The following USP7 variants were observed in gnomAD, a reference collection of about 807,000 sequenced individuals.
USP7 encodes the protein ubiquitin C-terminal hydrolase 7.
A neutral mutation model predicts 162.9 loss-of-function variants in USP7; 9 were observed. That is an observed-to-expected ratio of 0.06 (90% confidence interval 0.03 to 0.10). The LOEUF (loss-of-function observed/expected upper bound fraction) is 0.10. USP7 is among the 10% of genes least tolerant of loss of function. The probability of loss-of-function intolerance (pLI) is 1.00; values close to 1 mark genes in which losing one functional copy is unlikely to be tolerated. For missense variants in USP7, 715 were observed against 1,373.7 expected (o/e 0.52, Z 7.58); for synonymous variants, 562 against 475.9 (o/e 1.18, Z -2.35).
In USP7 at chr16:8,915,475, G is replaced by A. The variant is rs773076602; in HGVS notation, c.957C>T (p.Thr319=). 6.2e-7 allele frequency: 1 copy of A among 1,613,600 alleles called. No individual in the cohort carries two copies. Among genetic ancestry groups the A allele is most frequent in the Non-Finnish European group, 8.5e-7 (1 of 1,179,972 alleles). ...TTTTGCCGCGGAATAATTTGGGTAT[G>A]GTGCCCTCTACACAGGTGCCTTTCA... is the stretch of plus-strand genomic sequence containing the variant. ...NKMKGTCVEG[T]IPKLFRGKMV... The change falls in exon 9 of 31, where the codon ACC becomes ACT. Residue 319 remains threonine, a synonymous_variant. Coordinates refer to ENST00000344836, the MANE Select transcript of USP7 (RefSeq NM_003470.3).
rs1193741830 is a variant in USP7, at chr16:8,915,244, C to G, written c.1078+10G>C. The stretch of plus-strand genomic sequence containing the variant: ...AAAAGATCATGCCATTAGATACACA[C>G]AACACTTACTATTTTTCTTTCCTTT... On this transcript the variant is annotated intron_variant, in intron 10 of 30. Coordinates refer to ENST00000344836, the MANE Select transcript of USP7 (RefSeq NM_003470.3). 2 of 1,591,804 alleles carry G rather than the reference C, an allele frequency of 1.3e-6. No individual in the cohort carries two copies. Among genetic ancestry groups the G allele is most frequent in the South Asian group, 1.1e-5 (1 of 89,082 alleles).
chr16:8,962,432 G>A (rs770947527), intron 1 of USP7: 9 of 437,676 alleles, frequency 2.1e-5, no homozygotes, highest in Non-Finnish European at 3.7e-5. Context: ...TCAAACTACA[G>A]TGCCTTGGAA....
chr16:8,957,811 T>C (rs1232103255), intron 1 of USP7, among the ~76,000 whole-genome samples: 4 of 151,586 alleles, frequency 2.6e-5, no homozygotes, highest in Non-Finnish European at 5.9e-5. Context: ...ATAACAAAAA[T>C]AGACTTTACA....
chr16:8,940,860 C>T (rs1210030283), intron 1 of USP7, among the ~76,000 whole-genome samples: 1 of 152,168 alleles, frequency 6.6e-6, no homozygotes, highest in East Asian at 1.9e-4. Flanking sequence ...AGGAGAATCA[C>T]TTATATACAG....
chr16:8,936,494 A>G, intron 1 of USP7: 1 of 1,360,064 alleles, frequency 7.4e-7, no homozygotes, highest in East Asian at 2.7e-5. Context: ...AGCCCCAAAT[A>G]TACTTCAGAA....
intron 2 of USP7, among the ~76,000 whole-genome samples, 199 bp from the exon 3 acceptor site, chr16:8,923,612 G>A (rs1006965372): frequency 6.6e-6 from 1 of 152,162 alleles, no homozygotes; most frequent in South Asian, 2.1e-4. Flanking sequence ...TCTTCCTTAT[G>A]AAGTCCAAAA....
intron 1 of USP7, among the ~76,000 whole-genome samples, chr16:8,947,699 T>G (rs376004573): frequency 1.3e-5 from 2 of 152,196 alleles, no homozygotes; most frequent in Non-Finnish European, 2.9e-5. Flanking sequence ...ACAGTAGCTA[T>G]AACCCACCCA....
intron 11 of USP7, 113 bp from the exon 12 acceptor site, chr16:8,908,563 A>C (rs888575621): frequency 1.2e-6 from 1 of 856,376 alleles, no homozygotes; most frequent in Admixed American, 2.8e-5. Flanking sequence ...CTGGAGACAA[A>C]GGCAGGGAAG....
At chr16:8,961,631 G>T (rs1025790924) in intron 1 of USP7, among the ~76,000 whole-genome samples, 3 of 151,942 alleles carry the variant, frequency 2.0e-5, no homozygotes, top group Admixed American at 6.6e-5. Flanking sequence ...AAAACACCTG[G>T]AAAGCGGTAG....
chr16:8,938,727 G>A (rs1898892585), intron 1 of USP7, among the ~76,000 whole-genome samples: 1 of 149,670 alleles, frequency 6.7e-6, no homozygotes, highest in African/African-American at 2.5e-5. Flanking sequence ...AAAAAAATTG[G>A]GGGGACGGGG....
intron 1 of USP7, among the ~76,000 whole-genome samples, chr16:8,947,127 A>G (rs976964042): frequency 6.6e-6 from 1 of 152,178 alleles, no homozygotes; most frequent in Non-Finnish European, 1.5e-5. Flanking sequence ...TGGTTTTTTC[A>G]TATTTTAATT....
At chr16:8,896,476 C>T (rs1055231337) in intron 26 of USP7, among the ~76,000 whole-genome samples, 2 of 152,138 alleles carry the variant, frequency 1.3e-5, no homozygotes, top group Non-Finnish European at 2.9e-5. Context: ...CTCCAAGCGA[C>T]TACAGGGCAA....
chr16:8,900,793 G>C lies in USP7; in HGVS notation c.2209-163C>G. The C allele has an allele frequency of 2.1e-5, 15 of 707,470 alleles. No homozygotes were observed. The South Asian group carries it at 3.1e-4, about 14-fold the overall frequency. The allele number at this position is 707,470 out of a possible 1,614,324, so 43.8% of individuals were successfully genotyped here. A position where few individuals can be genotyped will look rare whatever the true frequency, so the allele number is the denominator to read the frequency against. On this transcript the variant is annotated intron_variant, in intron 20 of 30. Coordinates refer to ENST00000344836, the MANE Select transcript of USP7 (RefSeq NM_003470.3). ...GCTAAATGAATAAATCCACAAATAT[G>C]TAACAATCAGATTTGATTCTACAAC...
At chr16:8,923,887 G>A (rs1897846431) in intron 2 of USP7, among the ~76,000 whole-genome samples, 1 of 152,180 alleles carries the variant, frequency 6.6e-6, no homozygotes, top group Non-Finnish European at 1.5e-5. Flanking sequence ...CATTCCCCTG[G>A]AAGCTCAGCA....
chr16:8,905,963 G>C (rs576879972), intron 13 of USP7, among the ~76,000 whole-genome samples: 2 of 152,112 alleles, frequency 1.3e-5, no homozygotes, highest in Non-Finnish European at 2.9e-5. Flanking sequence ...TGTGGTCTTG[G>C]GGGTAGATTC....
At chr16:8,954,178 T>C (rs183725) in intron 1 of USP7, among the ~76,000 whole-genome samples, 989 of 13,942 alleles carry the variant, frequency 0.071, 74 homozygotes, top group African/African-American at 0.16. Flanking sequence ...CCCCCTGCGG[T>C]GCCACTGGAG....
At position 8,893,372 on chromosome 16, in the gene USP7, T is replaced by A. The variant is rs1003607905; in HGVS notation, c.*626A>T. 2.0e-5 allele frequency: 3 copies of A among 153,408 alleles called. No individual in the cohort carries two copies. Among genetic ancestry groups the A allele is most frequent in the Admixed American group, 1.3e-4 (2 of 15,536 alleles). 9.5% of individuals were successfully genotyped at this position (153,408 alleles called of 1,614,324 possible). A position where few individuals can be genotyped will look rare whatever the true frequency, so the allele number is the denominator to read the frequency against. ...CAATGTCTGTCCGGACTGTATTCAG[T>A]GCATCCACTTTGCAAAGGGGCTGCA... is the stretch of plus-strand genomic sequence containing the variant. On this transcript the variant is annotated 3_prime_UTR_variant, in exon 31 of 31. Coordinates refer to ENST00000344836, the MANE Select transcript of USP7 (RefSeq NM_003470.3).
chr16:8,918,899 T>C (rs1157628148), intron 6 of USP7, 132 bp downstream of exon 6: 8 of 850,252 alleles, frequency 9.4e-6, no homozygotes, highest in Middle Eastern at 3.6e-4. Context: ...AAACGCAGCA[T>C]GAACTAGCAG....
At chr16:8,896,881 GTC>G in intron 26 of USP7, 116 bp downstream of exon 26, 2 of 787,684 alleles carry the variant, frequency 2.5e-6, no homozygotes, top group Non-Finnish European at 4.5e-6. Flanking sequence ...ACCCCACTGA[GTC>G]TGGGAATGAC....
Sources: gnomAD v4.1 joint callset for allele counts (sites outside exome capture counted in the v4.1 genomes callset) on GRCh38, gnomAD v4.1.1 for gene constraint, MANE v1.5 for transcripts, NCBI Gene and HGNC (gene_info 2026-07-23, HGNC 2026-07-21) for gene names.